Variants in AGMO observed in about 807,000 individuals in gnomAD.
The protein encoded by AGMO is alkylglycerol monooxygenase.
Under a neutral mutation model 60.2 loss-of-function variants are expected in AGMO, and 75 were observed. The observed-to-expected ratio is 1.25, with a 90% CI of 1.03 to 1.51. AGMO has a LOEUF of 1.51. AGMO is among the 40% of genes most tolerant of loss of function. AGMO has a pLI of 0.00. For missense variants in AGMO, 763 were observed against 525.5 expected, an observed-to-expected ratio of 1.45 and a Z score of -4.42; for synonymous variants, 261 against 177.1, an observed-to-expected ratio of 1.47 and a Z score of -3.76.
intron 12 of AGMO, among the ~76,000 whole-genome samples, chr7:15,305,411 G>A (rs1055492283): frequency 5.3e-5 from 8 of 151,840 alleles, no homozygotes; most frequent in Non-Finnish European, 1.2e-4. Flanking sequence ...AGTATTTTCC[G>A]TGCATCTGGG....
At chr7:15,123,402 T>A in the AGMO span, among the ~76,000 whole-genome samples, 1 of 151,962 alleles carries the variant, frequency 6.6e-6, no homozygotes, top group South Asian at 2.1e-4. Flanking sequence ...TTTCAATGTA[T>A]CCTAAGTGCC....
the AGMO span, among the ~76,000 whole-genome samples, chr7:15,167,290 A>G: frequency 6.6e-6 from 1 of 152,204 alleles, no homozygotes; most frequent in Non-Finnish European, 1.5e-5. Flanking sequence ...TAAACAACTC[A>G]CATAATTTCA....
the AGMO span, among the ~76,000 whole-genome samples, chr7:15,122,101 A>G: frequency 6.6e-6 from 1 of 152,184 alleles, no homozygotes; most frequent in Non-Finnish European, 1.5e-5. Context: ...AAAAGAAACT[A>G]TCACCAAAGT....
chr7:15,560,336 G>T (rs1207032174), intron 1 of AGMO, 65 bp from the exon 2 acceptor site: 3 of 1,537,918 alleles, frequency 2.0e-6, no homozygotes, highest in Middle Eastern at 2.1e-4. Flanking sequence ...TACATTTCCT[G>T]ATTAGTCATT....
At chr7:15,227,033 G>A (rs1181037019) in intron 12 of AGMO, among the ~76,000 whole-genome samples, 1 of 151,836 alleles carries the variant, frequency 6.6e-6, no homozygotes, top group African/African-American at 2.4e-5. Context: ...CCAGACAAAC[G>A]CAAAAGTCTC....
chr7:15,327,008 T>A (rs767078369), intron 12 of AGMO, among the ~76,000 whole-genome samples: 18 of 152,170 alleles, frequency 1.2e-4, no homozygotes, highest in Non-Finnish European at 2.5e-4. Context: ...TTGTTCTGTT[T>A]TTGATCAATG....
the AGMO span, among the ~76,000 whole-genome samples, chr7:15,150,015 T>C: frequency 6.6e-6 from 1 of 152,072 alleles, no homozygotes; most frequent in African/African-American, 2.4e-5. Context: ...ATCTTTCACC[T>C]TCCTGGTTAG....
intron 12 of AGMO, among the ~76,000 whole-genome samples, chr7:15,354,039 A>G (rs1478945712): frequency 6.6e-6 from 1 of 152,074 alleles, no homozygotes; most frequent in Non-Finnish European, 1.5e-5. Context: ...GCAGAGAAGC[A>G]ATACTATGTT....
chr7:15,161,438 A>G, the AGMO span, among the ~76,000 whole-genome samples: 1 of 151,870 alleles, frequency 6.6e-6, no homozygotes, highest in Non-Finnish European at 1.5e-5. Context: ...AAATATGTAT[A>G]TACACAGACA....
chr7:15,298,005 T>C (rs1784452043), intron 12 of AGMO, among the ~76,000 whole-genome samples: 1 of 152,182 alleles, frequency 6.6e-6, no homozygotes, highest in Admixed American at 6.5e-5. Context: ...AATACTTTAA[T>C]TCTAGGTAAG....
the AGMO span, among the ~76,000 whole-genome samples, chr7:15,173,857 G>C: frequency 6.7e-6 from 1 of 148,696 alleles, no homozygotes; most frequent in African/African-American, 2.5e-5. Flanking sequence ...TATGTTTAGT[G>C]GGATCTAATT....
intron 3 of AGMO, among the ~76,000 whole-genome samples, chr7:15,457,846 T>C (rs7808202): frequency 0.36 from 54,701 of 151,978 alleles, 10,289 homozygotes; most frequent in Middle Eastern, 0.49. Flanking sequence ...ATAAATCACA[T>C]CTTTTCCAGG....
At chr7:15,288,974 A>G (rs181657685) in intron 12 of AGMO, among the ~76,000 whole-genome samples, 3 of 152,030 alleles carry the variant, frequency 2.0e-5, no homozygotes, top group Non-Finnish European at 2.9e-5. Flanking sequence ...TGGTAGTCAG[A>G]GATTTGCTAA....
chr7:15,248,195 T>TATATATAC lies in AGMO; in HGVS notation c.1264-46837_1264-46836insGTATATAT, dbSNP rs1257878473. On this transcript the variant is annotated intron_variant, in intron 12 of 12. Transcript: ENST00000342526. The stretch of plus-strand genomic sequence containing the variant: ...ATCCAGCACCATATATATATATATA[T>TATATATAC]ATATATATATATATATATATATATA... Among the ~76,000 whole-genome samples the TATATATAC allele has an allele frequency of 5.9e-4, 45 of 76,676 alleles. 2 individuals are homozygous for TATATATAC. Among genetic ancestry groups the TATATATAC allele is most frequent in the Middle Eastern group, 0.013 (2 of 160 alleles). 50.3% of individuals were successfully genotyped at this position (76,676 alleles called of 152,430 possible).
chr7:15,159,132 T>C, the AGMO span, among the ~76,000 whole-genome samples: 2 of 152,280 alleles, frequency 1.3e-5, no homozygotes, highest in East Asian at 3.9e-4. Context: ...TAACACCCCA[T>C]GTGTTACCAC....
At chr7:15,533,527 C>G (rs574843046) in intron 3 of AGMO, among the ~76,000 whole-genome samples, 16 of 152,190 alleles carry the variant, frequency 1.1e-4, no homozygotes, top group African/African-American at 2.9e-4. Context: ...ACCTCATTTA[C>G]ATTCTTTGTT....
chr7:15,511,860 C>T (rs1413673995), intron 3 of AGMO, among the ~76,000 whole-genome samples: 1 of 151,858 alleles, frequency 6.6e-6, no homozygotes, highest in African/African-American at 2.4e-5. Context: ...AGAACAAAGA[C>T]CACATAAAGG....
intron 2 of AGMO, 64 bp from the exon 3 acceptor site, chr7:15,544,987 G>A (rs1396411791): frequency 2.6e-6 from 3 of 1,165,122 alleles, no homozygotes; most frequent in Non-Finnish European, 3.4e-6. Context: ...ACGCTAAAAT[G>A]TTTTAGATAA....
chr7:15,121,888 A>G, the AGMO span, among the ~76,000 whole-genome samples: 1 of 152,002 alleles, frequency 6.6e-6, no homozygotes, highest in African/African-American at 2.4e-5. Flanking sequence ...TTCCTAACAC[A>G]TTAAACAAAA....
Sources: gnomAD v4.1 joint callset for allele counts (sites outside exome capture counted in the v4.1 genomes callset) on GRCh38, gnomAD v4.1.1 for gene constraint, MANE v1.5 for transcripts, NCBI Gene and HGNC (gene_info 2026-07-23, HGNC 2026-07-21) for gene names.